Variants in SYT1 observed in about 807,000 individuals in gnomAD.
SYT1 encodes the protein synaptotagmin-1.
SYT1 carries 8 observed loss-of-function variants against 44.8 expected under a neutral mutation model. The observed-to-expected ratio is 0.18, with a 90% CI of 0.10 to 0.32. SYT1 has a LOEUF of 0.32. Ranked by LOEUF, SYT1 falls within the 10% of genes least tolerant of loss-of-function variation. The pLI is 1.00. For missense variants in SYT1, 286 were observed against 509.3 expected (o/e 0.56, Z 4.22); for synonymous variants, 154 against 188.8 (o/e 0.82, Z 1.51).
rs34469793 is a variant in SYT1 at position 79,312,769 on chromosome 12, A to ATTT, written c.810+13234_810+13236dup. 3.8e-3 allele frequency among the ~76,000 whole-genome samples: 449 copies of ATTT among 116,966 alleles called. 11 individuals are homozygous for ATTT. Among genetic ancestry groups the ATTT allele is most frequent in the Middle Eastern group, 0.011 (2 of 184 alleles). 76.7% of individuals were successfully genotyped at this position (116,966 alleles called of 152,430 possible). ...TATTGTGTAATTCACAAGGGGCTGC[A>ATTT]TTTTTTTTTTTTTTTTTTGATAAGG... On this transcript the variant is annotated intron_variant, in intron 8 of 10. Coordinates refer to ENST00000261205, the MANE Select transcript of SYT1 (RefSeq NM_005639.3).
intron 2 of SYT1, among the ~76,000 whole-genome samples, chr12:78,995,114 A>G (rs1203722451): frequency 6.6e-6 from 1 of 152,044 alleles, no homozygotes; most frequent in Non-Finnish European, 1.5e-5. Context: ...ATAGGCCTGA[A>G]CCAAAGGCTG....
chr12:79,161,772 T>G (rs1457879921), intron 3 of SYT1, among the ~76,000 whole-genome samples: 1 of 152,098 alleles, frequency 6.6e-6, no homozygotes, highest in Non-Finnish European at 1.5e-5. Flanking sequence ...TCATGTTTCA[T>G]ACTGCACCCA....
intron 3 of SYT1, among the ~76,000 whole-genome samples, chr12:79,216,737 A>T (rs1874830748): frequency 6.6e-6 from 1 of 152,190 alleles, no homozygotes; most frequent in Admixed American, 6.5e-5. Flanking sequence ...TACATTAATA[A>T]AATAAAATAT....
chr12:79,093,858 A>C (rs1275004447), intron 3 of SYT1, among the ~76,000 whole-genome samples: 1 of 151,760 alleles, frequency 6.6e-6, no homozygotes, highest in Non-Finnish European at 1.5e-5. Flanking sequence ...TTCAATTCTT[A>C]GTAATCTTAT....
rs1434077381 is a variant in SYT1 at position 79,044,419 on chromosome 12, T to C, written c.-83-2878T>C. ...TACCCTTTCTTCCAGTTGATCGCATTGGCTCCTGAGGCTTCTGCATTCTTC... is the reference window on the plus strand; with the variant it reads ...TACCCTTTCTTCCAGTTGATCGCATCGGCTCCTGAGGCTTCTGCATTCTTC... On this transcript the variant is annotated intron_variant, in intron 2 of 10. Coordinates refer to ENST00000261205, the MANE Select transcript of SYT1 (RefSeq NM_005639.3). 3.8e-3 allele frequency among the ~76,000 whole-genome samples: 572 copies of C among 151,560 alleles called. 2 individuals are homozygous for C. Among genetic ancestry groups the C allele is most frequent in the African/African-American group, 0.012 (504 of 41,132 alleles).
chr12:79,286,008 TA>T (rs1565891150), intron 5 of SYT1, 37 bp downstream of exon 5: 1 of 1,556,988 alleles, frequency 6.4e-7, no homozygotes, highest in African/African-American at 1.4e-5. Context: ...TTATTTTGTT[TA>T]AAAAAGATAA....
At chr12:78,976,485 C>T (rs898506684) in intron 1 of SYT1, 3 of 152,182 alleles carry the variant, frequency 2.0e-5, no homozygotes, top group Admixed American at 6.5e-5. Context: ...ATGCCAGAAT[C>T]ATTCCAATCC....
chr12:79,038,551 G>A (rs371206824), intron 2 of SYT1, among the ~76,000 whole-genome samples: 59 of 151,824 alleles, frequency 3.9e-4, no homozygotes, highest in African/African-American at 5.6e-4. Context: ...CAAAAGATAT[G>A]TAACAAAATC....
chr12:79,349,958 A>G (rs1214438689), intron 8 of SYT1, among the ~76,000 whole-genome samples: 2 of 152,200 alleles, frequency 1.3e-5, no homozygotes, highest in African/African-American at 4.8e-5. Flanking sequence ...TTCACATGCT[A>G]GAACAAGACT....
chr12:79,225,282 T>C (rs1410519159), intron 4 of SYT1, among the ~76,000 whole-genome samples: 4 of 152,296 alleles, frequency 2.6e-5, no homozygotes, highest in Admixed American at 1.3e-4. Context: ...TTATTCCTCA[T>C]TAATTAGCAA....
chr12:79,196,691 T>C (rs919690177), intron 3 of SYT1, among the ~76,000 whole-genome samples: 2 of 152,174 alleles, frequency 1.3e-5, no homozygotes, highest in Non-Finnish European at 1.5e-5. Flanking sequence ...GTTCTGTGAT[T>C]GATTGATAGT....
At chr12:79,230,296 A>C (rs1875794873) in intron 4 of SYT1, among the ~76,000 whole-genome samples, 1 of 152,104 alleles carries the variant, frequency 6.6e-6, no homozygotes, top group Non-Finnish European at 1.5e-5. Context: ...GTCTTCTCTA[A>C]ATCTAAACAT....
intron 3 of SYT1, among the ~76,000 whole-genome samples, chr12:79,089,025 T>C (rs1384707680): frequency 1.3e-5 from 2 of 151,924 alleles, no homozygotes; most frequent in Non-Finnish European, 2.9e-5. Flanking sequence ...AATCAGTGAA[T>C]ATAATATGGT....
chr12:79,328,772 G>A (rs1170120023), intron 8 of SYT1, among the ~76,000 whole-genome samples: 2 of 151,748 alleles, frequency 1.3e-5, no homozygotes, highest in African/African-American at 4.8e-5. Flanking sequence ...CCTGAACCCG[G>A]GAGGCAGAGC....
chr12:79,417,993 A>G (rs1812444533), intron 9 of SYT1, among the ~76,000 whole-genome samples: 1 of 151,954 alleles, frequency 6.6e-6, no homozygotes, highest in African/African-American at 2.4e-5. Flanking sequence ...ACCTTACTCT[A>G]CCGTTACTCC....
chr12:79,168,006 GA>G (rs779142327), intron 3 of SYT1, among the ~76,000 whole-genome samples: 5 of 152,058 alleles, frequency 3.3e-5, no homozygotes, highest in African/African-American at 4.8e-5. Context: ...ACAAGAGGCA[GA>G]ACTCAGGCAG....
chr12:78,983,099 T>C (rs894458543), intron 2 of SYT1, among the ~76,000 whole-genome samples: 1 of 151,718 alleles, frequency 6.6e-6, no homozygotes, highest in Non-Finnish European at 1.5e-5. Context: ...TTTTTTTTTT[T>C]CAGTCAGTAA....
At chr12:78,899,262 T>G (rs558558867) in intron 1 of SYT1, among the ~76,000 whole-genome samples, 3 of 152,046 alleles carry the variant, frequency 2.0e-5, no homozygotes, top group Non-Finnish European at 4.4e-5. Flanking sequence ...TGTCCCTCAG[T>G]GTACTAGAAC....
chr12:79,429,369 G>A (rs1869639306), intron 9 of SYT1, among the ~76,000 whole-genome samples: 1 of 151,674 alleles, frequency 6.6e-6, no homozygotes, highest in African/African-American at 2.4e-5. Context: ...ACCACGCCTG[G>A]CAAATTTTTG....
Sources: gnomAD v4.1 joint callset for allele counts (sites outside exome capture counted in the v4.1 genomes callset) on GRCh38, gnomAD v4.1.1 for gene constraint, MANE v1.5 for transcripts, NCBI Gene and HGNC (gene_info 2026-07-23, HGNC 2026-07-21) for gene names.